Variants in PPIP5K2 observed in about 807,000 individuals in gnomAD.
The protein encoded by PPIP5K2 is diphosphoinositol pentakisphosphate kinase 2.
Under a neutral mutation model 154.6 loss-of-function variants are expected in PPIP5K2, and 105 were observed. The ratio of observed to expected loss-of-function variants is 0.68; its 90% CI spans 0.58 to 0.80. PPIP5K2 has a LOEUF of 0.80. PPIP5K2 is among the 30% of genes least tolerant of loss of function. The pLI, the probability that PPIP5K2 is intolerant of heterozygous loss-of-function variation, is 0.00. For missense variants in PPIP5K2, 992 were observed against 1,504.6 expected (o/e 0.66, Z 5.64); for synonymous variants, 480 against 490.3 (o/e 0.98, Z 0.28).
rs1270628247 is a variant in PPIP5K2, at chr5:103,202,411, T to G, written c.*777T>G. 1 of 152,192 alleles carries G rather than the reference T, an allele frequency of 6.6e-6. No homozygotes were observed. Among genetic ancestry groups the G allele is most frequent in the African/African-American group, 2.4e-5 (1 of 41,466 alleles). The allele number at this position is 152,192 out of a possible 1,614,324, so 9.4% of individuals were successfully genotyped here. On this transcript the variant is annotated 3_prime_UTR_variant, in exon 31 of 31. Transcript: ENST00000358359. Reference sequence around the variant, plus strand: ...TTTCTTTTTAAGTATAGTTGACAAGTGTATAAATGTTACACTTACTTTCAG... The same window carrying G: ...TTTCTTTTTAAGTATAGTTGACAAGGGTATAAATGTTACACTTACTTTCAG...
intron 30 of PPIP5K2, among the ~76,000 whole-genome samples, chr5:103,196,799 A>G (rs782370732): frequency 6.6e-6 from 1 of 152,116 alleles, no homozygotes; most frequent in Non-Finnish European, 1.5e-5. Context: ...CTCAGTTATG[A>G]TATATTATAT....
Position 103,146,697 on chromosome 5 carries a change from C to G in PPIP5K2, c.642+16C>G. On this transcript the variant is annotated intron_variant, in intron 6 of 30. Transcript: ENST00000358359. ...CTTTAGAAAGGTAACACCTTTGTAA[C>G]TTTTGTATGAATACTCTTCTTTGTA... The G allele has an allele frequency of 3.2e-6, 5 of 1,585,588 alleles. No individual in the cohort carries two copies. Among genetic ancestry groups the G allele is most frequent in the Middle Eastern group, 1.7e-4 (1 of 5,952 alleles).
chr5:103,159,014 A>G, intron 16 of PPIP5K2, 132 bp from the exon 17 acceptor site: 1 of 606,836 alleles, frequency 1.6e-6, no homozygotes, highest in Non-Finnish European at 2.6e-6. Context: ...AAATGACAAT[A>G]ATGAACTGTA....
intron 9 of PPIP5K2, among the ~76,000 whole-genome samples, chr5:103,151,788 C>T (rs1267191859): frequency 6.6e-6 from 1 of 151,946 alleles, no homozygotes; most frequent in Non-Finnish European, 1.5e-5. Flanking sequence ...CATGACAATT[C>T]ATTCTACAAG....
rs782558226 is a variant in PPIP5K2, at chr5:103,129,607, A to G, written c.18A>G (p.Arg6=). 1.9e-6 allele frequency: 3 copies of G among 1,601,388 alleles called. No individual in the cohort carries two copies. The highest frequency in any genetic ancestry group is 2.7e-5 in the African/African-American group (2 of 74,238). The change falls in exon 2 of 31, where the codon AGA becomes AGG. Residue 6 remains arginine (R), a synonymous_variant. Coordinates refer to ENST00000358359, the MANE Select transcript of PPIP5K2 (RefSeq NM_001276277.3). MSEAP[R]FFVGPEDTEI... ...AAATAAAAATGAGTGAAGCCCCCAG[A>G]TTCTTCGTTGGACCAGAAGATACAG... is the stretch of plus-strand genomic sequence containing the variant.
In PPIP5K2 at chr5:103,177,919, A is replaced by G; in HGVS notation, c.2693A>G (p.Lys898Arg). The G allele has an allele frequency of 6.2e-7, 1 of 1,613,316 alleles. No homozygotes were observed. Among genetic ancestry groups the G allele is most frequent in the South Asian group, 1.1e-5 (1 of 91,056 alleles). The change falls in exon 23 of 31, where the codon AAA (lysine) becomes AGA (arginine). Residue 898 changes from lysine (K) to arginine (R), a missense_variant. Coordinates refer to ENST00000358359, the MANE Select transcript of PPIP5K2 (RefSeq NM_001276277.3). ...HVELHFSPGA[K>R]GCEEDKNLPS... ...GAATTACACTTTAGTCCGGGAGCCA[A>G]AGGTTGTGAAGAAGACAAAAATTTG...
intron 17 of PPIP5K2, among the ~76,000 whole-genome samples, chr5:103,162,406 A>C (rs1475367257): frequency 1.3e-5 from 2 of 148,590 alleles, no homozygotes; most frequent in African/African-American, 5.0e-5. Flanking sequence ...TCTGTCACCC[A>C]GGCGGGAGTG....
rs546719674 is a variant in PPIP5K2 at position 103,142,563 on chromosome 5, C to T, written c.488-3964C>T. 6.6e-5 allele frequency among the ~76,000 whole-genome samples: 10 copies of T among 152,258 alleles called. No individual in the cohort carries two copies. The East Asian group carries it at 1.9e-3, about 29-fold the overall frequency. On this transcript the variant is annotated intron_variant, in intron 5 of 30. Transcript: ENST00000358359. Reference sequence around the variant, plus strand: ...AGGCAGAGGAGGCGCCAAGAGCGAGCGAGGGCTGTGAGGACTGCTAGCACG... The same window carrying T: ...AGGCAGAGGAGGCGCCAAGAGCGAGTGAGGGCTGTGAGGACTGCTAGCACG...
Position 103,177,909 on chromosome 5 carries a change from C to T in PPIP5K2, c.2683C>T (p.Pro895Ser), listed in dbSNP as rs1273327601. Residue 895 changes from proline to serine, a missense_variant, in exon 23 of 31, where the codon CCG becomes TCG. Physicochemically the swap from Pro to Ser is moderately conservative, Grantham distance 74 (BLOSUM62 -1). This residue lies in a region of PPIP5K2 where 157 missense variants were observed against 281.2 expected (regional missense o/e 0.56). Coordinates refer to ENST00000358359, the MANE Select transcript of PPIP5K2 (RefSeq NM_001276277.3). The part of the protein sequence containing the change: ...ERFHVELHFS[P>S]GAKGCEEDKN... ...CTTTCATGTTGAATTACACTTTAGTCCGGGAGCCAAAGGTTGTGAAGAAGA... is the reference window on the plus strand; with the variant it reads ...CTTTCATGTTGAATTACACTTTAGTTCGGGAGCCAAAGGTTGTGAAGAAGA... 1 of 1,613,124 alleles carries T rather than the reference C, an allele frequency of 6.2e-7. No homozygotes were observed. Among genetic ancestry groups the T allele is most frequent in the Non-Finnish European group, 8.5e-7 (1 of 1,179,398 alleles).
rs539418561 is a variant in PPIP5K2, at chr5:103,210,027, C to A, written c.*8393C>A. The A allele has an allele frequency of 4.6e-5, 7 of 152,178 alleles. No individual in the cohort carries two copies. Among genetic ancestry groups the A allele is most frequent in the African/African-American group, 1.7e-4 (7 of 41,506 alleles). 9.4% of individuals were successfully genotyped at this position (152,178 alleles called of 1,614,324 possible). ...CTACCACAATTTTATATAACTGATT[C>A]TTCACTGGTCATCCAGAAGCCTTTT... is the stretch of plus-strand genomic sequence containing the variant. On this transcript the variant is annotated 3_prime_UTR_variant, in exon 31 of 31. Transcript: ENST00000358359.
rs148285974 is a variant in PPIP5K2 at position 103,194,978 on chromosome 5, C to G, written c.3572C>G (p.Pro1191Arg). The change falls in exon 30 of 31, where the codon CCA becomes CGA. Residue 1191 changes from proline (P) to arginine (R), a missense_variant. Around this residue, in one of 9 missense-constraint regions of PPIP5K2, gnomAD observed 131 missense variants for 117.8 expected, o/e 1.11. Transcript: ENST00000358359. ...LNTYTPAKIL[P>R]TPPATLKSTK... is the part of the protein sequence containing the mutation. ...ACGTATACACCTGCAAAGATCCTCCCAACACCACCAGCTACCTTAAAGAGC... is the reference window on the plus strand; with the variant it reads ...ACGTATACACCTGCAAAGATCCTCCGAACACCACCAGCTACCTTAAAGAGC... 6 of 1,613,692 alleles carry G rather than the reference C, an allele frequency of 3.7e-6. No individual in the cohort carries two copies. The South Asian group carries it at 6.6e-5, about 18-fold the overall frequency.
chr5:103,163,361 T>G (rs916928022), intron 17 of PPIP5K2, among the ~76,000 whole-genome samples: 1 of 151,900 alleles, frequency 6.6e-6, no homozygotes, highest in African/African-American at 2.4e-5. Flanking sequence ...CAATTATAAA[T>G]GGGCCCTCTT....
chr5:103,123,059 G>C (rs1789041168), intron 1 of PPIP5K2, among the ~76,000 whole-genome samples: 1 of 152,228 alleles, frequency 6.6e-6, no homozygotes, highest in Non-Finnish European at 1.5e-5. Flanking sequence ...CATTAGACAA[G>C]AGGTAAGTAG....
At chr5:103,132,391 A>G (rs1468540960) in intron 2 of PPIP5K2, among the ~76,000 whole-genome samples, 1 of 151,900 alleles carries the variant, frequency 6.6e-6, no homozygotes, top group Admixed American at 6.6e-5. Context: ...AATACGAAAA[A>G]AAAAATTAGC....
chr5:103,199,246 ATTCC>A (rs1554229522), intron 30 of PPIP5K2, among the ~76,000 whole-genome samples: 4 of 152,182 alleles, frequency 2.6e-5, no homozygotes, highest in Non-Finnish European at 5.9e-5. Context: ...TTTGCTCTCT[ATTCC>A]TTCCTTGAAG....
intron 17 of PPIP5K2, among the ~76,000 whole-genome samples, chr5:103,159,958 T>A (rs1554215077): frequency 6.6e-6 from 1 of 152,146 alleles, no homozygotes; most frequent in Non-Finnish European, 1.5e-5. Context: ...GTAGCCATCA[T>A]TTTACTCTGC....
At chr5:103,184,134 G>C (rs1554224056) in intron 25 of PPIP5K2, 1 of 152,374 alleles carries the variant, frequency 6.6e-6, no homozygotes, top group Non-Finnish European at 1.5e-5. Flanking sequence ...AAGGTCTACT[G>C]TCACACATGA....
intron 19 of PPIP5K2, among the ~76,000 whole-genome samples, chr5:103,170,949 T>C (rs1260506762): frequency 6.6e-6 from 1 of 151,550 alleles, no homozygotes; most frequent in East Asian, 1.9e-4. Flanking sequence ...TTAATGTAGA[T>C]TAACAGGGTA....
chr5:103,166,502 C>T (rs545746164), intron 17 of PPIP5K2, among the ~76,000 whole-genome samples: 1 of 152,078 alleles, frequency 6.6e-6, no homozygotes, highest in South Asian at 2.1e-4. Context: ...TGTAAAAAGT[C>T]TGCATTGACG....
Sources: allele counts gnomAD v4.1 joint callset (sites outside exome capture counted in the v4.1 genomes callset), GRCh38; gene constraint gnomAD v4.1.1; regional missense constraint gnomAD v4.1.1; transcripts MANE v1.5; gene names NCBI Gene and HGNC (gene_info 2026-07-23, HGNC 2026-07-21).